Variants in PALLD observed in about 807,000 individuals in gnomAD.
PALLD encodes the protein palladin, cytoskeletal associated protein.
A neutral mutation model predicts 123.5 loss-of-function variants in PALLD; 61 were observed. The ratio of observed to expected loss-of-function variants is 0.49; its 90% CI spans 0.40 to 0.61. The LOEUF (loss-of-function observed/expected upper bound fraction) is 0.61. Ranked by LOEUF, PALLD falls within the 20% of genes least tolerant of loss-of-function variation. The pLI, the probability that PALLD is intolerant of heterozygous loss-of-function variation, is 0.00. For synonymous variants in PALLD, 465 were observed against 496.4 expected (o/e 0.94, Z 0.84); for missense variants, 1,273 against 1,377.0 (o/e 0.92, Z 1.20).
At chr4:168,572,134 T>G (rs1039264659) in intron 2 of PALLD, among the ~76,000 whole-genome samples, 1 of 152,138 alleles carries the variant, frequency 6.6e-6, no homozygotes, top group Non-Finnish European at 1.5e-5. Context: ...GATACAGTAC[T>G]CAGTGCAGTG....
chr4:168,529,772 T>C (rs1764430480), intron 2 of PALLD, among the ~76,000 whole-genome samples: 1 of 152,198 alleles, frequency 6.6e-6, no homozygotes, highest in African/African-American at 2.4e-5. Context: ...TGACTAAGTA[T>C]TGATATTTTT....
intron 10 of PALLD, among the ~76,000 whole-genome samples, chr4:168,823,210 G>A (rs1742970719): frequency 6.6e-6 from 1 of 152,114 alleles, no homozygotes; most frequent in African/African-American, 2.4e-5. Flanking sequence ...TGTCAGCCCT[G>A]CCCACTGAAC....
chr4:168,670,751 A>C (rs1580863842), intron 3 of PALLD, among the ~76,000 whole-genome samples: 1 of 98,554 alleles, frequency 1.0e-5, no homozygotes, highest in African/African-American at 5.5e-5. Context: ...AAAAAACAAA[A>C]AAAACAAAAA....
intron 2 of PALLD, chr4:168,598,431 TG>T: frequency 1.6e-6 from 1 of 625,662 alleles, no homozygotes. Context: ...AACATTTCTG[TG>T]ATTGGTTTGG....
intron 17 of PALLD, among the ~76,000 whole-genome samples, chr4:168,918,627 T>C (rs1421630453): frequency 6.6e-6 from 1 of 152,146 alleles, no homozygotes; most frequent in Non-Finnish European, 1.5e-5. Flanking sequence ...ATGGTGACTA[T>C]AGTTAATAAC....
chr4:168,805,964 G>A (rs959153181), intron 10 of PALLD, among the ~76,000 whole-genome samples: 2 of 152,160 alleles, frequency 1.3e-5, no homozygotes, highest in Non-Finnish European at 1.5e-5. Flanking sequence ...ATATCAAATT[G>A]TAATCCTGAT....
intron 2 of PALLD, among the ~76,000 whole-genome samples, chr4:168,533,512 A>G (rs187958044): frequency 6.6e-6 from 1 of 152,362 alleles, no homozygotes. Context: ...CTAGATAATT[A>G]TGCCATTCAG....
At chr4:168,624,976 A>C (rs1775098696) in intron 2 of PALLD, among the ~76,000 whole-genome samples, 2 of 152,110 alleles carry the variant, frequency 1.3e-5, no homozygotes, top group African/African-American at 2.4e-5. Context: ...GAAGAAGTCA[A>C]CTTTCTCTAT....
intron 3 of PALLD, among the ~76,000 whole-genome samples, chr4:168,674,153 G>A (rs1348414395): frequency 6.6e-6 from 1 of 152,150 alleles, no homozygotes; most frequent in Non-Finnish European, 1.5e-5. Context: ...GACCTCAAGT[G>A]ATCCGCCCAC....
At chr4:168,865,561 T>C (rs1048720119) in intron 10 of PALLD, among the ~76,000 whole-genome samples, 10 of 152,210 alleles carry the variant, frequency 6.6e-5, no homozygotes, top group African/African-American at 2.2e-4. Context: ...ATTGGCAACA[T>C]TATTTATTCA....
intron 10 of PALLD, among the ~76,000 whole-genome samples, chr4:168,790,571 T>C (rs772406309): frequency 1.3e-5 from 2 of 152,222 alleles, no homozygotes; most frequent in Non-Finnish European, 2.9e-5. Flanking sequence ...CAATCTATGC[T>C]TTCTCACTGA....
chr4:168,588,953 A>C (rs1771123654), intron 2 of PALLD, among the ~76,000 whole-genome samples: 1 of 152,206 alleles, frequency 6.6e-6, no homozygotes, highest in East Asian at 1.9e-4. Flanking sequence ...AATTTGTGGA[A>C]ATTTCATCTG....
At chr4:168,581,041 A>G (rs1770217100) in intron 2 of PALLD, among the ~76,000 whole-genome samples, 1 of 151,882 alleles carries the variant, frequency 6.6e-6, no homozygotes, top group Non-Finnish European at 1.5e-5. Context: ...ATTTGTACCC[A>G]TGTGACAAAA....
intron 10 of PALLD, among the ~76,000 whole-genome samples, chr4:168,734,185 C>T (rs1482099588): frequency 1.3e-5 from 2 of 152,022 alleles, no homozygotes; most frequent in Non-Finnish European, 2.9e-5. Flanking sequence ...TTAGTAACAT[C>T]AGTGTTAACT....
intron 10 of PALLD, among the ~76,000 whole-genome samples, chr4:168,792,406 T>A (rs1039191208): frequency 1.3e-5 from 2 of 152,098 alleles, no homozygotes; most frequent in African/African-American, 4.8e-5. Context: ...TATTGCCAAG[T>A]AAAAGAAGTT....
intron 2 of PALLD, among the ~76,000 whole-genome samples, chr4:168,650,394 G>T (rs537681427): frequency 1.3e-5 from 2 of 152,144 alleles, no homozygotes; most frequent in Non-Finnish European, 2.9e-5. Context: ...GTTAGTCTAC[G>T]ATGTGTTGTT....
intron 2 of PALLD, among the ~76,000 whole-genome samples, chr4:168,636,515 A>G (rs1445951783): frequency 6.6e-6 from 1 of 152,110 alleles, no homozygotes; most frequent in East Asian, 1.9e-4. Flanking sequence ...CAGAACTTCT[A>G]ACTTCAAATC....
At position 168,675,230 on chromosome 4, in the gene PALLD, A is replaced by G. The variant is rs141800027; in HGVS notation, c.1088-6102A>G. On this transcript the variant is annotated intron_variant, in intron 3 of 21. Coordinates refer to ENST00000505667, the MANE Select transcript of PALLD (RefSeq NM_001166108.2). ...AGCTGGATTAAACCGGACCTTGTGGATAAAGAGGATTGGGGTCAGGAGGAG... is the reference window on the plus strand; with the variant it reads ...AGCTGGATTAAACCGGACCTTGTGGGTAAAGAGGATTGGGGTCAGGAGGAG... Among the ~76,000 whole-genome samples, 198 of 152,314 alleles carry G rather than the reference A, an allele frequency of 1.3e-3. 2 individuals are homozygous for G. Among genetic ancestry groups the G allele is most frequent in the Non-Finnish European group, 2.5e-3 (167 of 68,028 alleles).
rs141571890 is a variant in PALLD, at chr4:168,779,320, T to C, written c.1964+67397T>C. Among the ~76,000 whole-genome samples, 1,175 of 152,324 alleles carry C rather than the reference T, an allele frequency of 7.7e-3. 5 individuals carry two copies. The highest frequency in any genetic ancestry group is 0.024 in the Middle Eastern group (7 of 294). ...TTTGTTTCTTATTCTTTCTACATTC[T>C]GTAATGTATTAGAAACATGAAATTA... On this transcript the variant is annotated intron_variant, in intron 10 of 21. Transcript: ENST00000505667.
Sources: allele counts gnomAD v4.1 joint callset (sites outside exome capture counted in the v4.1 genomes callset), GRCh38; gene constraint gnomAD v4.1.1; transcripts MANE v1.5; gene names NCBI Gene and HGNC (gene_info 2026-07-23, HGNC 2026-07-21).